The following CTNNA3 variants were observed in gnomAD, a reference collection of about 807,000 sequenced individuals.
CTNNA3 encodes the protein catenin alpha 3, also known as catenin alpha-3.
In CTNNA3, 76 loss-of-function variants were observed where a neutral mutation model predicts 95.7. That is an observed-to-expected ratio of 0.79 (90% CI 0.66 to 0.96). CTNNA3 has a LOEUF of 0.96. CTNNA3 is among the 40% of genes least tolerant of loss of function. CTNNA3 has a pLI of 0.00. For synonymous variants in CTNNA3, 431 were observed against 374.4 expected, an observed-to-expected ratio of 1.15 and a Z score of -1.74; for missense variants, 1,191 against 1,089.8, an observed-to-expected ratio of 1.09 and a Z score of -1.31.
intron 5 of CTNNA3, among the ~76,000 whole-genome samples, chr10:67,251,125 C>A (rs1484336259): frequency 6.6e-6 from 1 of 152,120 alleles, no homozygotes; most frequent in Non-Finnish European, 1.5e-5. Context: ...TAGAGTATAT[C>A]CACAAAACAA....
chr10:67,691,108 G>A (rs1840841169), intron 1 of CTNNA3, among the ~76,000 whole-genome samples: 1 of 152,220 alleles, frequency 6.6e-6, no homozygotes, highest in Non-Finnish European at 1.5e-5. Context: ...CGGCCGGGCT[G>A]GTCTCCAGCT....
chr10:66,756,138 C>T (rs1335440688), intron 9 of CTNNA3, among the ~76,000 whole-genome samples: 1 of 152,016 alleles, frequency 6.6e-6, no homozygotes, highest in African/African-American at 2.4e-5. Flanking sequence ...AGATAATTCT[C>T]CTTTGACACA....
At chr10:67,619,440 A>G (rs1192260748) in intron 2 of CTNNA3, among the ~76,000 whole-genome samples, 1 of 152,200 alleles carries the variant, frequency 6.6e-6, no homozygotes, top group Admixed American at 6.5e-5. Flanking sequence ...TGAGACCCCT[A>G]TCTCTCACCA....
intron 14 of CTNNA3, among the ~76,000 whole-genome samples, chr10:66,087,197 C>T (rs2081016271): frequency 6.6e-6 from 1 of 152,080 alleles, no homozygotes; most frequent in African/African-American, 2.4e-5. Flanking sequence ...AAATCAAACA[C>T]CATCTCCTCA....
chr10:66,918,863 C>A (rs185642660), intron 7 of CTNNA3, among the ~76,000 whole-genome samples: 3 of 151,978 alleles, frequency 2.0e-5, no homozygotes, highest in African/African-American at 4.8e-5. Context: ...TGGCTGGGTG[C>A]GGTGGCTCAT....
intron 7 of CTNNA3, among the ~76,000 whole-genome samples, chr10:66,790,029 C>T (rs577928327): frequency 3.9e-5 from 6 of 152,258 alleles, no homozygotes; most frequent in South Asian, 4.2e-4. Flanking sequence ...CAAGGCATAA[C>T]GGGGTGCTCT....
At chr10:66,583,122 T>C (rs1454026868) in intron 10 of CTNNA3, among the ~76,000 whole-genome samples, 1 of 151,744 alleles carries the variant, frequency 6.6e-6, no homozygotes, top group Non-Finnish European at 1.5e-5. Context: ...GTCTTTCCTT[T>C]GCTTTGGTAC....
chr10:66,869,766 T>C (rs965877164), intron 7 of CTNNA3, among the ~76,000 whole-genome samples: 1 of 152,090 alleles, frequency 6.6e-6, no homozygotes, highest in Admixed American at 6.6e-5. Flanking sequence ...GTGTATCATC[T>C]TGAATAAAGT....
At chr10:67,631,349 T>C (rs1438233469) in intron 2 of CTNNA3, among the ~76,000 whole-genome samples, 1 of 152,140 alleles carries the variant, frequency 6.6e-6, no homozygotes, top group African/African-American at 2.4e-5. Context: ...TAGGGAAGAA[T>C]TTGGTAACCA....
chr10:66,081,924 C>T (rs2080778787), intron 14 of CTNNA3, among the ~76,000 whole-genome samples: 2 of 152,066 alleles, frequency 1.3e-5, no homozygotes, highest in South Asian at 4.1e-4. Context: ...CGAGATCAGC[C>T]TGACCAGCAT....
chr10:67,703,576 C>A (rs1470752947), intron 1 of CTNNA3, among the ~76,000 whole-genome samples: 1 of 152,142 alleles, frequency 6.6e-6, no homozygotes, highest in East Asian at 1.9e-4. Flanking sequence ...AATTCAACAG[C>A]CCTTCATGCT....
intron 7 of CTNNA3, among the ~76,000 whole-genome samples, chr10:67,166,284 T>C (rs1371780817): frequency 1.3e-5 from 2 of 152,194 alleles, no homozygotes; most frequent in Non-Finnish European, 2.9e-5. Flanking sequence ...ACCAATATCA[T>C]TATAACATAA....
At chr10:66,000,411 A>G (rs1435854777) in intron 15 of CTNNA3, among the ~76,000 whole-genome samples, 1 of 152,202 alleles carries the variant, frequency 6.6e-6, no homozygotes, top group Non-Finnish European at 1.5e-5. Flanking sequence ...AAAAAATACC[A>G]AATGTTTTCA....
At chr10:67,001,712 T>C (rs1224140338) in intron 7 of CTNNA3, among the ~76,000 whole-genome samples, 1 of 152,124 alleles carries the variant, frequency 6.6e-6, no homozygotes, top group African/African-American at 2.4e-5. Flanking sequence ...AAAACTGTGA[T>C]TTACATACAT....
intron 1 of CTNNA3, among the ~76,000 whole-genome samples, chr10:67,692,081 C>T (rs961584080): frequency 1.4e-5 from 2 of 147,548 alleles, no homozygotes; most frequent in African/African-American, 5.1e-5. Context: ...GGGGTCAGCC[C>T]CCCGCCCGGC....
intron 14 of CTNNA3, among the ~76,000 whole-genome samples, chr10:66,085,620 T>A (rs912451072): frequency 5.3e-5 from 8 of 152,184 alleles, no homozygotes; most frequent in African/African-American, 1.4e-4. Context: ...TGTTGGCATG[T>A]TATTCTGACA....
At chr10:66,201,282 T>C (rs934810270) in intron 13 of CTNNA3, among the ~76,000 whole-genome samples, 2 of 152,222 alleles carry the variant, frequency 1.3e-5, no homozygotes, top group Non-Finnish European at 2.9e-5. Flanking sequence ...CCCTCTCTTA[T>C]CACCATCATC....
At chr10:67,074,459 T>C (rs1856641406) in intron 7 of CTNNA3, among the ~76,000 whole-genome samples, 1 of 146,612 alleles carries the variant, frequency 6.8e-6, no homozygotes, top group African/African-American at 2.5e-5. Context: ...CACGCCATTC[T>C]CCTGCCTCAG....
At chr10:66,719,576 C>T (rs888892184) in intron 9 of CTNNA3, among the ~76,000 whole-genome samples, 5 of 152,066 alleles carry the variant, frequency 3.3e-5, no homozygotes, top group African/African-American at 1.2e-4. Flanking sequence ...AGGGTACCAC[C>T]CCAGAAAAAC....
Sources: gnomAD v4.1 joint callset for allele counts (sites outside exome capture counted in the v4.1 genomes callset) on GRCh38, gnomAD v4.1.1 for gene constraint, MANE v1.5 for transcripts, NCBI Gene and HGNC (gene_info 2026-07-23, HGNC 2026-07-21) for gene names.